EFHC1: variants seen among roughly 807,000 people sequenced by gnomAD.
EFHC1 encodes EF-hand domain-containing protein 1.
In EFHC1, 53 loss-of-function variants were observed where a neutral mutation model predicts 69.9. The observed-to-expected ratio is 0.76, with a 90% CI of 0.61 to 0.95. The LOEUF (loss-of-function observed/expected upper bound fraction) is 0.95. EFHC1 is among the 40% of genes least tolerant of loss of function. The pLI, the probability that EFHC1 is intolerant of heterozygous loss-of-function variation, is 0.00. For missense variants in EFHC1, 739 were observed against 798.7 expected, an observed-to-expected ratio of 0.93 and a Z score of 0.90; for synonymous variants, 256 against 278.4, an observed-to-expected ratio of 0.92 and a Z score of 0.80.
chr6:52,458,672 T>C (rs524944), intron 5 of EFHC1, among the ~76,000 whole-genome samples: 126,076 of 152,050 alleles, frequency 0.83, 52,574 homozygotes, highest in East Asian at 0.93. Flanking sequence ...TCACTGTTGG[T>C]GGGAATGTGA....
intron 5 of EFHC1, among the ~76,000 whole-genome samples, chr6:52,461,494 A>G (rs1024246532): frequency 6.6e-6 from 1 of 152,018 alleles, no homozygotes; most frequent in Non-Finnish European, 1.5e-5. Context: ...GGTTGATTCT[A>G]TGTCTTTGCT....
Position 52,490,183 on chromosome 6 carries a change from T to C in EFHC1, c.1684T>C (p.Leu562=), listed in dbSNP as rs1470105925. 1 of 1,613,994 alleles carries C rather than the reference T, an allele frequency of 6.2e-7. No individual in the cohort carries two copies. The highest frequency in any genetic ancestry group is 2.2e-5 in the East Asian group (1 of 44,868). Residue 562 remains leucine (L), a synonymous_variant, in exon 10 of 11, where the codon TTA becomes CTA. Transcript: ENST00000371068. ...TCCAGGCGTGCAGGAATTGGAAGCA[T>C]TAATAGACACAATTCAGAAGCAACT... The part of the protein sequence containing the change: ...KDPGVQELEA[L]IDTIQKQLKD...
intron 2 of EFHC1, among the ~76,000 whole-genome samples, chr6:52,428,016 A>G (rs1005759757): frequency 1.3e-5 from 2 of 152,254 alleles, no homozygotes; most frequent in Non-Finnish European, 2.9e-5. Flanking sequence ...TTCCTCGTCT[A>G]TAAACTCAGA....
chr6:52,474,300 A>G (rs1443214019), intron 7 of EFHC1, among the ~76,000 whole-genome samples: 2 of 152,316 alleles, frequency 1.3e-5, no homozygotes, highest in South Asian at 4.1e-4. Context: ...TGGGCAACAG[A>G]GACTCTGTCT....
chr6:52,470,019 G>A (rs1287853472), intron 7 of EFHC1, among the ~76,000 whole-genome samples: 1 of 151,886 alleles, frequency 6.6e-6, no homozygotes, highest in Non-Finnish European at 1.5e-5. Context: ...CAAAGTGTAA[G>A]GTCTTTAAAA....
rs1378026894 is a variant in EFHC1 at position 52,492,299 on chromosome 6, C to G, written c.1881C>G (p.Gly627=). The change falls in exon 11 of 11, where the codon GGC becomes GGG. Residue 627 remains glycine, a synonymous_variant. Transcript: ENST00000371068. ...ELIRMCSHGE[G]KINYYNFVRA... ...TCAGGATGTGCTCTCATGGAGAAGGCAAAATTAACTACTATAACTTTGTTC... is the reference window on the plus strand; with the variant it reads ...TCAGGATGTGCTCTCATGGAGAAGGGAAAATTAACTACTATAACTTTGTTC... The G allele has an allele frequency of 1.9e-6, 3 of 1,614,000 alleles. No individual in the cohort carries two copies. The highest frequency in any genetic ancestry group is 4.5e-5 in the East Asian group (2 of 44,882).
chr6:52,464,863 C>CT (rs763543294), intron 5 of EFHC1, 32 bp from the exon 6 acceptor site: 1 of 1,590,360 alleles, frequency 6.3e-7, no homozygotes. Flanking sequence ...CTCATTCCTT[C>CT]TTTTTTTCTC....
At chr6:52,478,004 T>C (rs774210105) in intron 7 of EFHC1, among the ~76,000 whole-genome samples, 13 of 151,972 alleles carry the variant, frequency 8.6e-5, no homozygotes, top group Non-Finnish European at 1.8e-4. Context: ...TTATTCACAA[T>C]AGCAAAGACT....
chr6:52,469,285 TAACAC>T (rs1284492165), intron 6 of EFHC1, 43 bp from the exon 7 acceptor site: 2 of 1,611,646 alleles, frequency 1.2e-6, no homozygotes, highest in Non-Finnish European at 1.7e-6. Context: ...AATGTAATCT[TAACAC>T]AAGTAGTATC....
rs1315022317 is a variant in EFHC1, at chr6:52,454,167, T to C, written c.796T>C (p.Tyr266His). 1.2e-6 allele frequency: 2 copies of C among 1,614,096 alleles called. No individual in the cohort carries two copies. Among genetic ancestry groups the C allele is most frequent in the Non-Finnish European group, 1.7e-6 (2 of 1,180,000 alleles). Residue 266 changes from tyrosine to histidine, a missense_variant, in exon 5 of 11, where the codon TAC (tyrosine) becomes CAC (histidine). Transcript: ENST00000371068. ...YGECRTYIIHYYLMDDTVEIR... is the reference protein window; with the variant it reads ...YGECRTYIIHHYLMDDTVEIR... ...TGAATGTCGGACCTACATCATTCAT[T>C]ACTATCTTATGGATGATACGGTGGA...
At chr6:52,488,242 C>G (rs1765827398) in intron 9 of EFHC1, 1 of 152,152 alleles carries the variant, frequency 6.6e-6, no homozygotes, top group South Asian at 2.1e-4. Flanking sequence ...GGTGGTCATT[C>G]ATAATTTAGT....
At chr6:52,443,785 C>A (rs1348369880) in intron 3 of EFHC1, among the ~76,000 whole-genome samples, 2 of 152,050 alleles carry the variant, frequency 1.3e-5, no homozygotes, top group Admixed American at 6.6e-5. Flanking sequence ...TTTTTTGGTT[C>A]CATATGAACT....
chr6:52,422,396 A>T (rs192229094), intron 1 of EFHC1, among the ~76,000 whole-genome samples: 1 of 152,294 alleles, frequency 6.6e-6, no homozygotes, highest in Admixed American at 6.5e-5. Context: ...ATATACCTGG[A>T]GCAGTCCCTG....
chr6:52,459,469 A>G (rs183603562), intron 5 of EFHC1, among the ~76,000 whole-genome samples: 106 of 152,354 alleles, frequency 7.0e-4, no homozygotes, highest in African/African-American at 2.1e-3. Context: ...TATTTGCCAT[A>G]GTTACTTATT....
At chr6:52,478,982 C>T in intron 7 of EFHC1, 55 bp from the exon 8 acceptor site, 2 of 1,555,650 alleles carry the variant, frequency 1.3e-6, no homozygotes, top group South Asian at 1.1e-5. Context: ...TTTAAGTTGG[C>T]ACATCTGCAT....
chr6:52,463,113 C>T (rs1242440386), intron 5 of EFHC1, among the ~76,000 whole-genome samples: 9 of 151,454 alleles, frequency 5.9e-5, no homozygotes, highest in African/African-American at 2.4e-5. Flanking sequence ...CTGCAAGCTC[C>T]GCCTCCCGGG....
intron 5 of EFHC1, 135 bp downstream of exon 5, chr6:52,454,422 T>C: frequency 9.5e-7 from 1 of 1,050,340 alleles, no homozygotes. Context: ...AGAAAATGGC[T>C]TCCCACAGCT....
At chr6:52,487,507 C>T (rs899609796) in intron 9 of EFHC1, 1 of 152,200 alleles carries the variant, frequency 6.6e-6, no homozygotes, top group Non-Finnish European at 1.5e-5. Flanking sequence ...ATGTCTTTGT[C>T]CATCTGAGCC....
At chr6:52,439,118 T>C (rs1013378001) in intron 3 of EFHC1, among the ~76,000 whole-genome samples, 4 of 152,166 alleles carry the variant, frequency 2.6e-5, no homozygotes, top group African/African-American at 7.2e-5. Flanking sequence ...ATGTAAAAAG[T>C]CCTCTATTTC....
Sources: gnomAD v4.1 joint callset for allele counts (sites outside exome capture counted in the v4.1 genomes callset) on GRCh38, gnomAD v4.1.1 for gene constraint, MANE v1.5 for transcripts, NCBI Gene and HGNC (gene_info 2026-07-23, HGNC 2026-07-21) for gene names.